The following GLT1D1 variants were observed in gnomAD, a reference collection of about 807,000 sequenced individuals.
GLT1D1 encodes glycosyltransferase 1 domain-containing protein 1.
GLT1D1 carries 21 observed loss-of-function variants against 28.7 expected under a neutral mutation model. That is an observed-to-expected ratio of 0.73 (90% CI 0.52 to 1.05). GLT1D1 has a LOEUF of 1.05. Among genes scored for constraint, GLT1D1 ranks in the 50% least tolerant of loss-of-function variants. The pLI is 0.00. For synonymous variants in GLT1D1, 147 were observed against 124.8 expected (o/e 1.18, Z -1.19); for missense variants, 343 against 330.6 (o/e 1.04, Z -0.29).
At chr12:128,959,745 C>T (rs1055606706) in intron 7 of GLT1D1, among the ~76,000 whole-genome samples, 2 of 152,124 alleles carry the variant, frequency 1.3e-5, no homozygotes, top group Non-Finnish European at 2.9e-5. Flanking sequence ...TTGCTTTTTA[C>T]CATATTCCAT....
intron 6 of GLT1D1, among the ~76,000 whole-genome samples, chr12:128,948,301 G>A (rs1161520531): frequency 6.6e-6 from 1 of 152,136 alleles, no homozygotes; most frequent in Non-Finnish European, 1.5e-5. Context: ...AGAAAAAGAT[G>A]TTCCTTCTCT....
At chr12:128,882,237 T>C (rs1957076109) in intron 2 of GLT1D1, among the ~76,000 whole-genome samples, 1 of 151,970 alleles carries the variant, frequency 6.6e-6, no homozygotes, top group African/African-American at 2.4e-5. Flanking sequence ...ATTAACAACA[T>C]TAATACACAT....
At chr12:128,915,468 G>A (rs1769342842) in intron 4 of GLT1D1, among the ~76,000 whole-genome samples, 1 of 151,524 alleles carries the variant, frequency 6.6e-6, no homozygotes, top group Non-Finnish European at 1.5e-5. Flanking sequence ...GGGTTCAAGT[G>A]ATTCTCCTGC....
chr12:128,875,929 T>C lies in GLT1D1; in HGVS notation c.84T>C (p.Ala28=). 1.9e-6 allele frequency: 3 copies of C among 1,614,002 alleles called. No homozygotes were observed. Among genetic ancestry groups the C allele is most frequent in the Non-Finnish European group, 2.5e-6 (3 of 1,179,896 alleles). ...TTTGATAAAGGGCCCATCTAGAGGC[T>C]GCAGGGCACGTGTGCGTTTTGAAGG... The change falls in exon 2 of 8, where the codon GCT becomes GCC. Residue 28 remains alanine (A), a synonymous_variant. Coordinates refer to ENST00000281703, the MANE Select transcript of GLT1D1 (RefSeq NM_144669.3).
At chr12:128,930,082 AC>A (rs1375823064) in intron 4 of GLT1D1, among the ~76,000 whole-genome samples, 4 of 152,234 alleles carry the variant, frequency 2.6e-5, no homozygotes, top group African/African-American at 9.6e-5. Context: ...GTTAACATAC[AC>A]CCACATATAT....
chr12:128,910,708 A>G (rs1034338238), intron 4 of GLT1D1, among the ~76,000 whole-genome samples: 2 of 150,570 alleles, frequency 1.3e-5, no homozygotes, highest in Non-Finnish European at 3.0e-5. Context: ...ATTAAAGTTA[A>G]TGTCTTTTTT....
chr12:128,968,141 G>A (rs1029858415), intron 7 of GLT1D1, among the ~76,000 whole-genome samples: 5 of 152,024 alleles, frequency 3.3e-5, no homozygotes, highest in Admixed American at 6.5e-5. Context: ...GACTGCAGGC[G>A]CCTGCCACCA....
chr12:128,885,262 G>A (rs1479726013), intron 2 of GLT1D1, among the ~76,000 whole-genome samples: 1 of 151,870 alleles, frequency 6.6e-6, no homozygotes, highest in African/African-American at 2.4e-5. Context: ...AGACTCTTTC[G>A]CCCAGGCTGG....
Position 128,853,586 on chromosome 12 carries a change from G to A in GLT1D1, c.5G>A (p.Arg2Gln). The A allele has an allele frequency of 2.6e-6, 3 of 1,138,824 alleles. No homozygotes were observed. Among genetic ancestry groups the A allele is most frequent in the Non-Finnish European group, 3.3e-6 (3 of 922,382 alleles). 70.5% of individuals were successfully genotyped at this position (1,138,824 alleles called of 1,614,324 possible). A position where few individuals can be genotyped will look rare whatever the true frequency, so the allele number is the denominator to read the frequency against. The change falls in exon 1 of 8, where the codon CGG becomes CAG. Residue 2 changes from arginine to glutamine, a missense_variant. By Grantham distance (43) the Arg-to-Gln change is conservative. Coordinates refer to ENST00000281703, the MANE Select transcript of GLT1D1 (RefSeq NM_144669.3). ...GGCCCGGGCGGCGGCGGCGGCATGC[G>A]GCTCCTGTTCCTGGCGGTGCTGCGG... is the stretch of plus-strand genomic sequence containing the variant.
chr12:128,962,408 G>T (rs1878058860), intron 7 of GLT1D1, among the ~76,000 whole-genome samples: 1 of 152,248 alleles, frequency 6.6e-6, no homozygotes, highest in African/African-American at 2.4e-5. Context: ...GCATGGATTA[G>T]CCTGGGCAGC....
At chr12:128,926,726 T>C (rs1873260536) in intron 4 of GLT1D1, among the ~76,000 whole-genome samples, 1 of 152,204 alleles carries the variant, frequency 6.6e-6, no homozygotes, top group Admixed American at 6.5e-5. Flanking sequence ...ACTAAAATAA[T>C]TTTACCTGAA....
At chr12:128,938,960 T>C (rs536778940) in intron 4 of GLT1D1, among the ~76,000 whole-genome samples, 63 of 152,226 alleles carry the variant, frequency 4.1e-4, no homozygotes, top group Admixed American at 1.2e-3. Flanking sequence ...AACTGTATTC[T>C]GCAGCTTTGT....
intron 1 of GLT1D1, among the ~76,000 whole-genome samples, chr12:128,863,277 C>T (rs184322382): frequency 5.9e-4 from 90 of 152,338 alleles, no homozygotes; most frequent in Non-Finnish European, 1.2e-3. Flanking sequence ...TTCATCTTCG[C>T]CCCTCTGTGC....
chr12:128,856,058 G>A (rs74761571), intron 1 of GLT1D1, among the ~76,000 whole-genome samples: 14,752 of 152,048 alleles, frequency 0.097, 808 homozygotes, highest in East Asian at 0.18. Flanking sequence ...GGCCTTGGTT[G>A]TCCATTTTTA....
At chr12:128,869,235 T>C (rs1289639657) in intron 1 of GLT1D1, among the ~76,000 whole-genome samples, 1 of 152,182 alleles carries the variant, frequency 6.6e-6, no homozygotes, top group East Asian at 1.9e-4. Flanking sequence ...GGCACCGTCT[T>C]GACTCACTGC....
intron 6 of GLT1D1, among the ~76,000 whole-genome samples, chr12:128,953,271 C>T (rs899408220): frequency 6.6e-6 from 1 of 152,188 alleles, no homozygotes; most frequent in African/African-American, 2.4e-5. Flanking sequence ...TATTTCCTCC[C>T]ATTCTGTAGA....
intron 3 of GLT1D1, among the ~76,000 whole-genome samples, chr12:128,897,889 G>C (rs189662251): frequency 1.3e-5 from 2 of 151,926 alleles, no homozygotes; most frequent in African/African-American, 4.8e-5. Context: ...AGGTGGTCTC[G>C]ATCTCCTGAC....
chr12:128,917,624 C>T (rs1872234219), intron 4 of GLT1D1, among the ~76,000 whole-genome samples: 1 of 152,192 alleles, frequency 6.6e-6, no homozygotes, highest in African/African-American at 2.4e-5. Context: ...AAAATCAATT[C>T]TCTGCCCTCA....
intron 4 of GLT1D1, among the ~76,000 whole-genome samples, chr12:128,905,166 C>T (rs935186911): frequency 2.6e-5 from 4 of 152,130 alleles, no homozygotes; most frequent in Admixed American, 1.3e-4. Context: ...TGGTCAAGGC[C>T]GAATTTCCTA....
Sources: gnomAD v4.1 joint callset for allele counts (sites outside exome capture counted in the v4.1 genomes callset) on GRCh38, gnomAD v4.1.1 for gene constraint, MANE v1.5 for transcripts, NCBI Gene and HGNC (gene_info 2026-07-23, HGNC 2026-07-21) for gene names.